Variants in KXD1 observed in about 807,000 individuals in gnomAD.
KXD1 encodes kxDL motif-containing protein 1.
Under a neutral mutation model 12.1 loss-of-function variants are expected in KXD1, and 5 were observed. The ratio of observed to expected loss-of-function variants is 0.41; its 90% CI spans 0.22 to 0.87. The LOEUF is 0.87. KXD1 is among the 40% of genes least tolerant of loss of function. The pLI is 0.31. For missense variants in KXD1, 193 were observed against 244.9 expected, an observed-to-expected ratio of 0.79 and a Z score of 1.41; for synonymous variants, 98 against 100.5, an observed-to-expected ratio of 0.98 and a Z score of 0.15.
chr19:18,560,973 A>G (rs1412254477), intron 1 of KXD1, among the ~76,000 whole-genome samples: 2 of 151,962 alleles, frequency 1.3e-5, no homozygotes, highest in African/African-American at 4.8e-5. Context: ...CCAGAGTGCT[A>G]GGATTACAGG....
chr19:18,564,691 A>G (rs941929427), intron 2 of KXD1, among the ~76,000 whole-genome samples, 178 bp from the exon 3 acceptor site: 10 of 152,144 alleles, frequency 6.6e-5, no homozygotes, highest in African/African-American at 2.4e-4. Flanking sequence ...AGGGTTTTGA[A>G]GGTTGAATAG....
chr19:18,568,030 G>A (rs1975338935), intron 4 of KXD1, among the ~76,000 whole-genome samples: 1 of 152,180 alleles, frequency 6.6e-6, no homozygotes, highest in Admixed American at 6.5e-5. Context: ...CACTTTGGGA[G>A]GCTGAGGCGG....
Position 18,566,549 on chromosome 19 carries a change from G to C in KXD1, c.255-583G>C, listed in dbSNP as rs113800120. Reference sequence around the variant, plus strand: ...CTCATGCCTGTAATCCCAGCAGTTAGGGAGGCTGACGCAGGCAGATCACCT... The same window carrying C: ...CTCATGCCTGTAATCCCAGCAGTTACGGAGGCTGACGCAGGCAGATCACCT... On this transcript the variant is annotated intron_variant, in intron 3 of 4. Transcript: ENST00000222307. 8.4e-3 allele frequency among the ~76,000 whole-genome samples: 1,284 copies of C among 152,144 alleles called. 20 individuals carry two copies. Among genetic ancestry groups the C allele is most frequent in the African/African-American group, 0.028 (1,167 of 41,526 alleles).
rs1975127546 is a variant in KXD1, at chr19:18,564,883, A to G, written c.116A>G (p.Glu39Gly). Residue 39 changes from glutamate (E) to glycine (G), a missense_variant, in exon 3 of 5, where the codon GAG (glutamate) becomes GGG (glycine). By Grantham distance (98) the Glu-to-Gly change is moderately conservative. Coordinates refer to ENST00000222307, the MANE Select transcript of KXD1 (RefSeq NM_024069.4). ...TCCACCATCAGGCTGGACCGCTTTG[A>G]GAAGACCAATGAGATGCTGCTCAAC... ...LAQKNMLDRF[E>G]KTNEMLLNFN... The G allele has an allele frequency of 6.2e-7, 1 of 1,613,610 alleles. No homozygotes were observed. Among genetic ancestry groups the G allele is most frequent in the African/African-American group, 1.3e-5 (1 of 74,906 alleles).
chr19:18,567,129 C>T lies in KXD1; in HGVS notation c.255-3C>T, dbSNP rs755256683. Reference sequence around the variant, plus strand: ...AGCCCTGTGTGCCTTCTCTCCCCTGCAGGACGCTGAAAGGGAAACTGGCCA... The same window carrying T: ...AGCCCTGTGTGCCTTCTCTCCCCTGTAGGACGCTGAAAGGGAAACTGGCCA... On this transcript the variant is annotated splice_region_variant and splice_polypyrimidine_tract_variant and intron_variant, in intron 3 of 4. Coordinates refer to ENST00000222307, the MANE Select transcript of KXD1 (RefSeq NM_024069.4). 1 of 1,614,054 alleles carries T rather than the reference C, an allele frequency of 6.2e-7. No homozygotes were observed. The highest frequency in any genetic ancestry group is 1.1e-5 in the South Asian group (1 of 91,058).
chr19:18,565,190 C>T (rs1284390904), intron 3 of KXD1, 169 bp downstream of exon 3: 16 of 1,397,178 alleles, frequency 1.1e-5, no homozygotes, highest in East Asian at 1.0e-4. Context: ...AAAATCTTGA[C>T]GTAAGTTTAT....
intron 2 of KXD1, 66 bp from the exon 3 acceptor site, chr19:18,564,803 T>TCAAC (rs1424900839): frequency 2.5e-6 from 4 of 1,584,830 alleles, no homozygotes; most frequent in Non-Finnish European, 3.4e-6. Flanking sequence ...TGAACAGTCT[T>TCAAC]CTGGGCCAGG....
intron 2 of KXD1, among the ~76,000 whole-genome samples, chr19:18,563,565 G>T (rs148761701): frequency 6.6e-6 from 1 of 151,930 alleles, no homozygotes; most frequent in Non-Finnish European, 1.5e-5. Context: ...GCACAGTGGC[G>T]CAATCTCAGC....
At chr19:18,563,099 T>C (rs1254352498) in intron 2 of KXD1, among the ~76,000 whole-genome samples, 3 of 150,590 alleles carry the variant, frequency 2.0e-5, no homozygotes, top group Admixed American at 6.6e-5. Flanking sequence ...TTAGTGTTAG[T>C]GTATTTTATG....
chr19:18,559,500 T>A (rs1974841095), intron 1 of KXD1: 1 of 151,992 alleles, frequency 6.6e-6, no homozygotes, highest in Non-Finnish European at 1.5e-5. Context: ...TGGAAAAAAG[T>A]ATTGATTGCT....
intron 2 of KXD1, among the ~76,000 whole-genome samples, chr19:18,562,701 A>G (rs961171423): frequency 1.3e-5 from 2 of 152,182 alleles, no homozygotes; most frequent in African/African-American, 4.8e-5. Flanking sequence ...ACCTCAAGTG[A>G]TCCACCCGCC....
chr19:18,568,985 C>T lies in KXD1; in HGVS notation c.*354C>T, dbSNP rs569921887. 44 of 297,020 alleles carry T rather than the reference C, an allele frequency of 1.5e-4. 1 individual carries two copies. In the South Asian group the frequency reaches 1.8e-3, roughly 12 times the overall value. The allele number at this position is 297,020 out of a possible 1,614,324, so 18.4% of individuals were successfully genotyped here. A position where few individuals can be genotyped will look rare whatever the true frequency, so the allele number is the denominator to read the frequency against. Reference sequence around the variant, plus strand: ...TTCCCAGACACCAGAGCCAGATGTCCCCCACCACCGGTCAGGACCTCCTTG... The same window carrying T: ...TTCCCAGACACCAGAGCCAGATGTCTCCCACCACCGGTCAGGACCTCCTTG... On this transcript the variant is annotated 3_prime_UTR_variant, in exon 5 of 5. Coordinates refer to ENST00000222307, the MANE Select transcript of KXD1 (RefSeq NM_024069.4).
intron 3 of KXD1, among the ~76,000 whole-genome samples, chr19:18,565,571 T>C (rs1417086958): frequency 1.3e-5 from 2 of 152,160 alleles, no homozygotes; most frequent in African/African-American, 2.4e-5. Context: ...TGGAGTGCAG[T>C]GGCGTGATCT....
intron 1 of KXD1, chr19:18,561,819 T>G: frequency 4.8e-6 from 2 of 413,134 alleles, no homozygotes; most frequent in Non-Finnish European, 8.7e-6. Flanking sequence ...GGGTACAGTT[T>G]ACAAATACAA....
At chr19:18,563,316 C>T in intron 2 of KXD1, among the ~76,000 whole-genome samples, 1 of 149,532 alleles carries the variant, frequency 6.7e-6, no homozygotes. Flanking sequence ...AGCTCCGAGT[C>T]TCAATAGTAC....
At chr19:18,565,151 A>G in intron 3 of KXD1, 130 bp downstream of exon 3, 1 of 1,480,404 alleles carries the variant, frequency 6.8e-7, no homozygotes, top group African/African-American at 1.4e-5. Flanking sequence ...TGCGCACTTA[A>G]GTGTCTGGGA....
intron 3 of KXD1, among the ~76,000 whole-genome samples, chr19:18,566,524 C>T (rs987927673): frequency 3.3e-5 from 5 of 151,544 alleles, no homozygotes; most frequent in Non-Finnish European, 1.5e-5. Context: ...GGCACAGTGG[C>T]TCATGCCTGT....
At position 18,568,730 on chromosome 19, in the gene KXD1, C is replaced by T. The variant is rs62137092; in HGVS notation, c.*99C>T. On this transcript the variant is annotated 3_prime_UTR_variant, in exon 5 of 5. Coordinates refer to ENST00000222307, the MANE Select transcript of KXD1 (RefSeq NM_024069.4). ...TCTGTCATCCAGGGCTCCTTTGCTG[C>T]CCCGTTCTGTCACCCAGGGCTCCTA... 2 of 885,662 alleles carry T rather than the reference C, an allele frequency of 2.3e-6. No individual in the cohort carries two copies. The highest frequency in any genetic ancestry group is 3.5e-6 in the Non-Finnish European group (2 of 578,922). The allele number at this position is 885,662 out of a possible 1,614,324, so 54.9% of individuals were successfully genotyped here. A position where few individuals can be genotyped will look rare whatever the true frequency, so the allele number is the denominator to read the frequency against.
chr19:18,567,206 C>G, intron 4 of KXD1, 28 bp downstream of exon 4: 1 of 1,612,620 alleles, frequency 6.2e-7, no homozygotes, highest in Non-Finnish European at 8.5e-7. Context: ...TTCCTGCTCC[C>G]GAGCACGTCA....
Sources: allele counts gnomAD v4.1 joint callset (sites outside exome capture counted in the v4.1 genomes callset), GRCh38; gene constraint gnomAD v4.1.1; transcripts MANE v1.5; gene names NCBI Gene and HGNC (gene_info 2026-07-23, HGNC 2026-07-21).